Variants in FTCD observed in about 807,000 individuals in gnomAD.
The protein encoded by FTCD is formimidoyltransferase cyclodeaminase.
A neutral mutation model predicts 62.9 loss-of-function variants in FTCD; 76 were observed. That is an observed-to-expected ratio of 1.21 (90% CI 1.00 to 1.46). FTCD has a LOEUF of 1.46. FTCD is among the 40% of genes most tolerant of loss of function. The pLI, the probability that FTCD is intolerant of heterozygous loss-of-function variation, is 0.00. For missense variants in FTCD, 845 were observed against 751.3 expected (o/e 1.12, Z -1.46); for synonymous variants, 397 against 336.9 (o/e 1.18, Z -1.95).
At chr21:46,142,915 A>G (rs1811401632) in intron 10 of FTCD, among the ~76,000 whole-genome samples, 1 of 152,212 alleles carries the variant, frequency 6.6e-6, no homozygotes, top group Non-Finnish European at 1.5e-5. Flanking sequence ...TTAGCTAGAC[A>G]GAGAAGTTCT....
chr21:46,150,020 G>C (rs534808605), intron 7 of FTCD, 99 bp downstream of exon 7: 1 of 1,127,596 alleles, frequency 8.9e-7, no homozygotes, highest in Admixed American at 1.9e-5. Context: ...AGGGGGAGGA[G>C]GGGGAGGGAA....
intron 13 of FTCD, 40 bp downstream of exon 13, chr21:46,137,199 C>T (rs755569018): frequency 6.3e-7 from 1 of 1,583,168 alleles, no homozygotes; most frequent in Non-Finnish European, 8.7e-7. Flanking sequence ...AATCCAGGCC[C>T]CCACGTGGGG....
rs1267304494 is a variant in FTCD at position 46,151,968 on chromosome 21, C to T, written c.380G>A (p.Gly127Asp). Residue 127 changes from glycine to aspartate, a missense_variant, in exon 4 of 14, where the codon GGC becomes GAC. Transcript: ENST00000397746. ...GCGACTGTCCATCCTGGCTGCCTCG[C>T]CGTACAGGTAAACTGCAGGAGAGCC... ...EELDVPVYLY[G>D]EAARMDSRRT... 1 of 1,566,594 alleles carries T rather than the reference C, an allele frequency of 6.4e-7. No homozygotes were observed. Among genetic ancestry groups the T allele is most frequent in the Non-Finnish European group, 8.6e-7 (1 of 1,156,188 alleles).
At chr21:46,141,416 G>A (rs1191633100) in intron 10 of FTCD, among the ~76,000 whole-genome samples, 1 of 151,900 alleles carries the variant, frequency 6.6e-6, no homozygotes, top group African/African-American at 2.4e-5. Context: ...CAAAATGCTA[G>A]GATTACAGGT....
chr21:46,142,809 G>C (rs1465405726), intron 10 of FTCD: 1 of 152,216 alleles, frequency 6.6e-6, no homozygotes, highest in Non-Finnish European at 1.5e-5. Flanking sequence ...CCATTTTACA[G>C]AGTGCTGATT....
chr21:46,154,133 A>T lies in FTCD; in HGVS notation c.238+16T>A. The T allele has an allele frequency of 6.2e-7, 1 of 1,611,876 alleles. No homozygotes were observed. The highest frequency in any genetic ancestry group is 8.5e-7 in the Non-Finnish European group (1 of 1,179,174). Reference sequence around the variant, plus strand: ...TTCTGAGACACGGCAGCCACAGGAGAGCCCAGAGACCTCACCTTGGTGCCT... The same window carrying T: ...TTCTGAGACACGGCAGCCACAGGAGTGCCCAGAGACCTCACCTTGGTGCCT... On this transcript the variant is annotated intron_variant, in intron 2 of 13. Transcript: ENST00000397746.
intron 1 of FTCD, 122 bp from the exon 2 acceptor site, chr21:46,154,454 G>A: frequency 8.2e-7 from 1 of 1,225,632 alleles, no homozygotes; most frequent in South Asian, 1.3e-5. Context: ...AGCCTTTGGG[G>A]GCTCTCCGAC....
At chr21:46,144,395 TC>T in intron 10 of FTCD, among the ~76,000 whole-genome samples, 1 of 54,302 alleles carries the variant, frequency 1.8e-5, no homozygotes, top group Non-Finnish European at 3.8e-5. Context: ...TCTCCCTCCC[TC>T]TCTCTCCACC....
Position 46,150,260 on chromosome 21 carries a change from C to T in FTCD, c.775-10G>A, listed in dbSNP as rs778475498. 3.7e-6 allele frequency: 6 copies of T among 1,608,878 alleles called. No homozygotes were observed. The highest frequency in any genetic ancestry group is 4.2e-6 in the Non-Finnish European group (5 of 1,178,120). On this transcript the variant is annotated splice_polypyrimidine_tract_variant and intron_variant, in intron 6 of 13. Coordinates refer to ENST00000397746, the MANE Select transcript of FTCD (RefSeq NM_206965.2). ...CTGGGAGGCTCAGCTCCTGCCAAGGCACAGGCAGCGTCACCCCCTGGGGGC... is the reference window on the plus strand; with the variant it reads ...CTGGGAGGCTCAGCTCCTGCCAAGGTACAGGCAGCGTCACCCCCTGGGGGC...
chr21:46,154,038 C>A lies in FTCD; in HGVS notation c.238+111G>T, dbSNP rs181225268. 116 of 1,131,644 alleles carry A rather than the reference C, an allele frequency of 1.0e-4. No homozygotes were observed. The East Asian group carries it at 2.5e-3, about 24-fold the overall frequency. 70.1% of individuals were successfully genotyped at this position (1,131,644 alleles called of 1,614,324 possible). A position where few individuals can be genotyped will look rare whatever the true frequency, so the allele number is the denominator to read the frequency against. On this transcript the variant is annotated intron_variant, in intron 2 of 13. Coordinates refer to ENST00000397746, the MANE Select transcript of FTCD (RefSeq NM_206965.2). Reference sequence around the variant, plus strand: ...GAGCCAGAGCCAGCCCCACTGGACCCCACGTTCCAAGCCTGGGCCCCGGGC... The same window carrying A: ...GAGCCAGAGCCAGCCCCACTGGACCACACGTTCCAAGCCTGGGCCCCGGGC...
chr21:46,152,844 G>A (rs2079325426), intron 3 of FTCD, 63 bp downstream of exon 3: 1 of 1,393,268 alleles, frequency 7.2e-7, no homozygotes. Context: ...GGATACAGAA[G>A]GAGCCAATAA....
intron 10 of FTCD, among the ~76,000 whole-genome samples, chr21:46,140,194 A>C (rs988675451): frequency 6.6e-6 from 1 of 151,802 alleles, no homozygotes; most frequent in Non-Finnish European, 1.5e-5. Context: ...CAGGGAGTGT[A>C]CACCAACCCA....
chr21:46,139,195 A>AGAGCCTGAGGGCCCAG (rs1044857408), intron 10 of FTCD: 17 of 545,016 alleles, frequency 3.1e-5, no homozygotes, highest in Admixed American at 1.2e-4. Context: ...TCTCAGCTAA[A>AGAGCCTGAGGGCCCAG]GAGCCTGAGG....
downstream of FTCD, chr21:46,136,429 C>T (rs886467807): frequency 2.7e-5 from 44 of 1,612,346 alleles, 1 homozygote; most frequent in African/African-American, 1.3e-4. Flanking sequence ...CCAGACCTGC[C>T]GGGAGCTGCA....
chr21:46,146,226 C>T, intron 8 of FTCD, 40 bp downstream of exon 8: 1 of 1,449,416 alleles, frequency 6.9e-7, no homozygotes, highest in Non-Finnish European at 9.6e-7. Flanking sequence ...GAGGCAGAGC[C>T]CGGGAGGGGT....
chr21:46,138,429 C>T lies in FTCD; in HGVS notation c.1443+79G>A, dbSNP rs1397845993. On this transcript the variant is annotated intron_variant, in intron 12 of 13. Transcript: ENST00000397746. The stretch of plus-strand genomic sequence containing the variant: ...TACCTGGCTCAGCCCAGCCAACCAC[C>T]GTGCTCTCCAGCAACTCAGCCCCAA... 2.7e-5 allele frequency: 38 copies of T among 1,403,714 alleles called. 1 individual carries two copies. Among genetic ancestry groups the T allele is most frequent in the Middle Eastern group, 2.4e-4 (1 of 4,106 alleles). 87.0% of individuals were successfully genotyped at this position (1,403,714 alleles called of 1,614,324 possible).
At position 46,146,345 on chromosome 21, in the gene FTCD, A is replaced by G. The variant is rs1373456041; in HGVS notation, c.907-18T>C. The G allele has an allele frequency of 1.3e-6, 2 of 1,575,180 alleles. No individual in the cohort carries two copies. Among genetic ancestry groups the G allele is most frequent in the Non-Finnish European group, 1.7e-6 (2 of 1,154,260 alleles). On this transcript the variant is annotated intron_variant, in intron 7 of 13. Coordinates refer to ENST00000397746, the MANE Select transcript of FTCD (RefSeq NM_206965.2). ...CTCACCACCTGGAAAAGGGGCTTGG[A>G]GTGGAAACGGCCTCGGCGCGTCTCC...
chr21:46,148,671 C>T (rs975054610), intron 7 of FTCD, among the ~76,000 whole-genome samples: 10 of 152,224 alleles, frequency 6.6e-5, no homozygotes, highest in African/African-American at 2.4e-4. Flanking sequence ...CATCTGGCCA[C>T]AAGCAACATC....
chr21:46,136,442 T>C (rs752959852), downstream of FTCD: 290 of 1,612,506 alleles, frequency 1.8e-4, no homozygotes, highest in Non-Finnish European at 2.4e-4. Context: ...GAGCTGCACC[T>C]GGGAAGCGAG....
Sources: gnomAD v4.1 joint callset for allele counts (sites outside exome capture counted in the v4.1 genomes callset) on GRCh38, gnomAD v4.1.1 for gene constraint, MANE v1.5 for transcripts, NCBI Gene and HGNC (gene_info 2026-07-23, HGNC 2026-07-21) for gene names.